Variants in RGS7 observed in about 807,000 individuals in gnomAD.
RGS7 encodes the protein regulator of G-protein signaling 7.
RGS7 carries 27 observed loss-of-function variants against 81.1 expected under a neutral mutation model. That is an observed-to-expected ratio of 0.33 (90% CI 0.25 to 0.46). RGS7 has a LOEUF of 0.46. Ranked by LOEUF, RGS7 falls within the 20% of genes least tolerant of loss-of-function variation. The pLI, the probability that RGS7 is intolerant of heterozygous loss-of-function variation, is 1.00. For missense variants in RGS7, 396 were observed against 607.4 expected (o/e 0.65, Z 3.66); for synonymous variants, 208 against 207.7 (o/e 1.00, Z -0.01).
At chr1:240,837,465 C>A (rs1225527703) in intron 9 of RGS7, among the ~76,000 whole-genome samples, 1 of 152,174 alleles carries the variant, frequency 6.6e-6, no homozygotes, top group Non-Finnish European at 1.5e-5. Flanking sequence ...TACTTTTATA[C>A]CCATAATTGA....
At chr1:241,025,950 C>T (rs942194968) in intron 3 of RGS7, among the ~76,000 whole-genome samples, 5 of 152,132 alleles carry the variant, frequency 3.3e-5, no homozygotes, top group Admixed American at 6.5e-5. Context: ...TCATGCTGTT[C>T]GTGCAGCACA....
intron 2 of RGS7, among the ~76,000 whole-genome samples, chr1:241,302,225 G>C (rs1389763489): frequency 2.0e-5 from 3 of 152,300 alleles, no homozygotes; most frequent in Admixed American, 1.3e-4. Flanking sequence ...CAAAGTGAAG[G>C]GGGAGGATCA....
intron 2 of RGS7, among the ~76,000 whole-genome samples, chr1:241,187,422 G>A (rs2072223331): frequency 1.3e-5 from 2 of 152,154 alleles, no homozygotes; most frequent in South Asian, 4.1e-4. Flanking sequence ...CTAAGAATTA[G>A]AGATTATACA....
At chr1:240,911,058 G>A (rs1040975328) in intron 6 of RGS7, among the ~76,000 whole-genome samples, 7 of 151,968 alleles carry the variant, frequency 4.6e-5, no homozygotes, top group African/African-American at 1.7e-4. Flanking sequence ...CTATATTCTG[G>A]GCAAAAGCTA....
Position 241,194,863 on chromosome 1 carries a change from A to C in RGS7, c.79-96101T>G, listed in dbSNP as rs185371815. 5.7e-3 allele frequency among the ~76,000 whole-genome samples: 873 copies of C among 152,324 alleles called. 10 individuals carry two copies. Among genetic ancestry groups the C allele is most frequent in the African/African-American group, 0.02 (835 of 41,572 alleles). The stretch of plus-strand genomic sequence containing the variant: ...GTATTTAAAAGTCGCACTGAGAAGG[A>C]CAACACAAATTTGAGTTTAGTGCCT... On this transcript the variant is annotated intron_variant, in intron 2 of 18. Coordinates refer to ENST00000440928, the MANE Select transcript of RGS7 (RefSeq NM_001364886.1).
At chr1:241,278,104 A>C (rs546873198) in intron 2 of RGS7, among the ~76,000 whole-genome samples, 1 of 152,090 alleles carries the variant, frequency 6.6e-6, no homozygotes, top group African/African-American at 2.4e-5. Context: ...AATAATCTTT[A>C]ATTTCCCTTG....
At chr1:240,938,221 G>T (rs1051138714) in intron 4 of RGS7, among the ~76,000 whole-genome samples, 3 of 152,146 alleles carry the variant, frequency 2.0e-5, no homozygotes, top group African/African-American at 7.2e-5. Flanking sequence ...ATCATGGGTG[G>T]TTGAATCCAC....
chr1:241,331,491 G>C (rs1049633313), intron 2 of RGS7, among the ~76,000 whole-genome samples: 4 of 152,122 alleles, frequency 2.6e-5, no homozygotes, highest in African/African-American at 9.7e-5. Context: ...ACTCACATAT[G>C]ATAAAGGTAC....
At chr1:241,016,890 T>C (rs2148678822) in intron 3 of RGS7, among the ~76,000 whole-genome samples, 1 of 152,296 alleles carries the variant, frequency 6.6e-6, no homozygotes, top group South Asian at 2.1e-4. Context: ...CTCATTGCAT[T>C]TGTTGTGCAT....
chr1:241,013,473 T>C (rs1415827515), intron 3 of RGS7, among the ~76,000 whole-genome samples: 2 of 152,186 alleles, frequency 1.3e-5, no homozygotes, highest in African/African-American at 4.8e-5. Flanking sequence ...CTTCCAAAGG[T>C]GTCCCAGCTA....
chr1:240,984,331 T>C (rs1298994630), intron 3 of RGS7, among the ~76,000 whole-genome samples: 2 of 152,140 alleles, frequency 1.3e-5, no homozygotes, highest in African/African-American at 2.4e-5. Flanking sequence ...TGTCTACTAG[T>C]TGCAATCCAA....
At chr1:241,313,704 T>C (rs1488644963) in intron 2 of RGS7, among the ~76,000 whole-genome samples, 1 of 152,218 alleles carries the variant, frequency 6.6e-6, no homozygotes, top group African/African-American at 2.4e-5. Flanking sequence ...TCCATGTAGA[T>C]AGTGATTTCT....
intron 2 of RGS7, among the ~76,000 whole-genome samples, chr1:241,160,110 C>CAAAAAAAAAAAAAAAAAAA (rs369734662): frequency 8.9e-5 from 5 of 56,124 alleles, no homozygotes; most frequent in Non-Finnish European, 1.4e-4. Context: ...GACTCCATCT[C>CAAAAAAAAAAAAAAAAAAA]AAAAAAAAAA....
intron 2 of RGS7, among the ~76,000 whole-genome samples, chr1:241,348,191 G>A (rs2083023970): frequency 6.6e-6 from 1 of 152,232 alleles, no homozygotes; most frequent in African/African-American, 2.4e-5. Context: ...ATATCAGGCA[G>A]TGAGCATATA....
chr1:240,839,162 TC>T (rs1392828398), intron 9 of RGS7, among the ~76,000 whole-genome samples: 1 of 152,182 alleles, frequency 6.6e-6, no homozygotes, highest in East Asian at 1.9e-4. Flanking sequence ...CATTTTTAGT[TC>T]CTCTGCCTTA....
intron 2 of RGS7, among the ~76,000 whole-genome samples, chr1:241,111,607 C>A (rs148340158): frequency 2.4e-3 from 356 of 149,470 alleles, no homozygotes; most frequent in Non-Finnish European, 3.7e-3. Context: ...AAGACCCCCC[C>A]TCTCTACAAG....
intron 2 of RGS7, among the ~76,000 whole-genome samples, chr1:241,178,550 G>A (rs141277714): frequency 6.6e-5 from 10 of 152,150 alleles, no homozygotes; most frequent in Middle Eastern, 6.8e-3. Flanking sequence ...GAAAGTAGAA[G>A]GAAAACCAAA....
chr1:241,103,521 C>T (rs1346275870), intron 2 of RGS7, among the ~76,000 whole-genome samples: 1 of 152,084 alleles, frequency 6.6e-6, no homozygotes, highest in Admixed American at 6.5e-5. Flanking sequence ...GGTAAGTTTC[C>T]ACACTAGGTC....
chr1:240,816,490 T>C (rs1377478981), intron 10 of RGS7, 75 bp from the exon 11 acceptor site: 2 of 1,000,578 alleles, frequency 2.0e-6, no homozygotes, highest in Admixed American at 1.7e-5. Context: ...AAAGTAACTC[T>C]AGCATAAATT....
Sources: allele counts gnomAD v4.1 joint callset (sites outside exome capture counted in the v4.1 genomes callset), GRCh38; gene constraint gnomAD v4.1.1; transcripts MANE v1.5; gene names NCBI Gene and HGNC (gene_info 2026-07-23, HGNC 2026-07-21).